NF2: variants seen among roughly 807,000 people sequenced by gnomAD.
NF2 encodes merlin.
Under a neutral mutation model 83.7 loss-of-function variants are expected in NF2, and 8 were observed. The ratio of observed to expected loss-of-function variants is 0.10; its 90% CI spans 0.06 to 0.17. The LOEUF (loss-of-function observed/expected upper bound fraction) is 0.17, where lower values mean the gene tolerates loss of function less well. Ranked by LOEUF, NF2 falls within the 10% of genes least tolerant of loss-of-function variation. NF2 has a pLI of 1.00. For missense variants in NF2, 533 were observed against 744.4 expected, an observed-to-expected ratio of 0.72 and a Z score of 3.31; for synonymous variants, 266 against 269.6, an observed-to-expected ratio of 0.99 and a Z score of 0.13.
At chr22:29,691,003 T>A (rs1002497954) in intron 15 of NF2, among the ~76,000 whole-genome samples, 8 of 152,206 alleles carry the variant, frequency 5.3e-5, no homozygotes, top group Non-Finnish European at 1.2e-4. Context: ...TCACTTGTCT[T>A]CAGAAGGATT....
intron 3 of NF2, among the ~76,000 whole-genome samples, chr22:29,639,991 T>C (rs2065761994): frequency 6.7e-6 from 1 of 149,080 alleles, no homozygotes; most frequent in African/African-American, 2.5e-5. Context: ...GGTCAGGAGT[T>C]CAAGACCAGC....
chr22:29,616,715 C>T (rs1336908613), intron 1 of NF2, among the ~76,000 whole-genome samples: 1 of 150,538 alleles, frequency 6.6e-6, no homozygotes, highest in African/African-American at 2.4e-5. Flanking sequence ...GCACTCCAGC[C>T]TGGGCAACAA....
intron 15 of NF2, chr22:29,683,068 G>C: frequency 6.2e-7 from 1 of 1,614,216 alleles, no homozygotes; most frequent in South Asian, 1.1e-5. Context: ...CCTCAAAGTA[G>C]GTTGTTCCCA....
At chr22:29,603,627 G>A, upstream of NF2, 2 of 402,646 alleles carry the variant, frequency 5.0e-6, no homozygotes, top group Middle Eastern at 1.3e-3. Context: ...GATGCAGCGC[G>A]GCCCCGTGAC....
Position 29,696,795 on chromosome 22 carries a change from G to A in NF2, c.*1993G>A, listed in dbSNP as rs1331094503. 8.2e-5 allele frequency: 14 copies of A among 170,618 alleles called. 1 individual carries two copies. The East Asian group carries it at 8.4e-4, about 10-fold the overall frequency. The allele number at this position is 170,618 out of a possible 1,614,324, so 10.6% of individuals were successfully genotyped here. Reference sequence around the variant, plus strand: ...AGTGAGGTCTGGCTCTGCCTCCTCCGTTTTTTTTTTTTTTCTGTTTCTGTT... The same window carrying A: ...AGTGAGGTCTGGCTCTGCCTCCTCCATTTTTTTTTTTTTTCTGTTTCTGTT... On this transcript the variant is annotated 3_prime_UTR_variant, in exon 16 of 16. Coordinates refer to ENST00000338641, the MANE Select transcript of NF2 (RefSeq NM_000268.4).
Position 29,603,944 on chromosome 22 carries a change from AG to A in NF2, c.-52del. ...TGTGCAGCAACTCCAGGGGGGCTAAAGGGCTCAGAGTGCAGGCCGTGGGGCG... is the reference window on the plus strand; with the variant it reads ...TGTGCAGCAACTCCAGGGGGGCTAAAGGCTCAGAGTGCAGGCCGTGGGGCG... On this transcript the variant is annotated 5_prime_UTR_variant, in exon 1 of 16. Transcript: ENST00000338641. The A allele has an allele frequency of 7.2e-7, 1 of 1,381,384 alleles. No homozygotes were observed. The highest frequency in any genetic ancestry group is 1.0e-6 in the Non-Finnish European group (1 of 998,340). 85.6% of individuals were successfully genotyped at this position (1,381,384 alleles called of 1,614,324 possible). A position where few individuals can be genotyped will look rare whatever the true frequency, so the allele number is the denominator to read the frequency against.
At chr22:29,642,134 G>A (rs2065827113) in intron 3 of NF2, 68 bp from the exon 4 acceptor site, 4 of 1,281,006 alleles carry the variant, frequency 3.1e-6, no homozygotes, top group Non-Finnish European at 4.6e-6. Flanking sequence ...GAGGCCATCT[G>A]TTGTGATCAG....
rs149202264 is a variant in NF2, at chr22:29,690,368, C to T, written c.1738-4384C>T. Among the ~76,000 whole-genome samples, 218 of 152,234 alleles carry T rather than the reference C, an allele frequency of 1.4e-3. 3 individuals carry two copies. In the East Asian group the frequency reaches 0.033, roughly 23 times the overall value. On this transcript the variant is annotated intron_variant, in intron 15 of 15. Coordinates refer to ENST00000338641, the MANE Select transcript of NF2 (RefSeq NM_000268.4). ...GTCACACCACACACAATTTGGGGAG[C>T]GTAAGGAGGCCCAGCTCTGCCAGAA... is the stretch of plus-strand genomic sequence containing the variant.
At chr22:29,635,763 G>A (rs1414836357) in intron 1 of NF2, among the ~76,000 whole-genome samples, 2 of 152,096 alleles carry the variant, frequency 1.3e-5, no homozygotes, top group East Asian at 1.9e-4. Flanking sequence ...CATGTCTGTC[G>A]AAAGATTACT....
chr22:29,643,934 TCC>T (rs2065891970), intron 4 of NF2, among the ~76,000 whole-genome samples: 1 of 125,850 alleles, frequency 7.9e-6, no homozygotes, highest in African/African-American at 3.0e-5. Flanking sequence ...CCCCCCAACC[TCC>T]CTCCCGGACG....
intron 13 of NF2, among the ~76,000 whole-genome samples, chr22:29,676,170 A>T (rs1203272978): frequency 6.6e-6 from 1 of 150,894 alleles, no homozygotes; most frequent in East Asian, 1.9e-4. Context: ...TATTTTATTT[A>T]TTATTTTTTT....
intron 15 of NF2, among the ~76,000 whole-genome samples, chr22:29,691,146 C>T (rs774311358): frequency 1.3e-5 from 2 of 152,234 alleles, no homozygotes; most frequent in Non-Finnish European, 2.9e-5. Flanking sequence ...CCTGGATAAC[C>T]TTCAAGATAC....
In NF2 at chr22:29,667,497, T is replaced by G. The variant is rs375376497; in HGVS notation, c.886-836T>G. On this transcript the variant is annotated intron_variant, in intron 9 of 15. Coordinates refer to ENST00000338641, the MANE Select transcript of NF2 (RefSeq NM_000268.4). ...CTCAAGCAATCTGCCTGCCTCCCCT[T>G]CCCAAAGTGCTAGGATTACACTTCC... is the stretch of plus-strand genomic sequence containing the variant. Among the ~76,000 whole-genome samples, 18 of 152,108 alleles carry G rather than the reference T, an allele frequency of 1.2e-4. No homozygotes were observed. The East Asian group carries it at 3.3e-3, about 28-fold the overall frequency.
intron 15 of NF2, among the ~76,000 whole-genome samples, chr22:29,690,003 G>A (rs1030253381): frequency 6.6e-6 from 1 of 152,226 alleles, no homozygotes; most frequent in Admixed American, 6.5e-5. Context: ...CTCATGCTGT[G>A]GTTTTCCAGC....
chr22:29,673,614 C>G, intron 12 of NF2, 128 bp downstream of exon 12: 1 of 1,059,246 alleles, frequency 9.4e-7, no homozygotes, highest in South Asian at 1.4e-5. Flanking sequence ...CGTGGGGAGG[C>G]TCCTCCTTGG....
At chr22:29,652,381 T>C (rs1027486755) in intron 4 of NF2, among the ~76,000 whole-genome samples, 2 of 152,208 alleles carry the variant, frequency 1.3e-5, no homozygotes, top group Non-Finnish European at 2.9e-5. Flanking sequence ...CTTGGCTCAC[T>C]GCAACCTCCG....
intron 1 of NF2, among the ~76,000 whole-genome samples, chr22:29,611,644 A>G (rs1045039157): frequency 6.6e-6 from 1 of 152,244 alleles, no homozygotes; most frequent in Non-Finnish European, 1.5e-5. Context: ...TAGCCAGGGC[A>G]ATTAGGCAAG....
Position 29,698,076 on chromosome 22 carries a change from G to A in NF2, c.*3274G>A, listed in dbSNP as rs11090576. The A allele has an allele frequency of 0.13, 30,216 of 229,442 alleles. 2,237 individuals carry two copies. The highest frequency in any genetic ancestry group is 0.19 in the African/African-American group (8,629 of 45,170). The allele number at this position is 229,442 out of a possible 1,614,324, so 14.2% of individuals were successfully genotyped here. Reference sequence around the variant, plus strand: ...GAGGCTGTCCTTTTGGCCAGTAGCCGTGTGCAGCTGTGTGGCACAGATGGC... The same window carrying A: ...GAGGCTGTCCTTTTGGCCAGTAGCCATGTGCAGCTGTGTGGCACAGATGGC... On this transcript the variant is annotated 3_prime_UTR_variant, in exon 16 of 16. Coordinates refer to ENST00000338641, the MANE Select transcript of NF2 (RefSeq NM_000268.4).
chr22:29,652,566 G>C (rs2066179854), intron 4 of NF2, among the ~76,000 whole-genome samples: 2 of 152,264 alleles, frequency 1.3e-5, no homozygotes, highest in Non-Finnish European at 2.9e-5. Flanking sequence ...CCTCCCAAAA[G>C]TGCTGGGATT....
Sources: gnomAD v4.1 joint callset for allele counts (sites outside exome capture counted in the v4.1 genomes callset) on GRCh38, gnomAD v4.1.1 for gene constraint, MANE v1.5 for transcripts, NCBI Gene and HGNC (gene_info 2026-07-23, HGNC 2026-07-21) for gene names.